CAD: variants seen among roughly 807,000 people sequenced by gnomAD.
CAD encodes carbamoyl-phosphate synthetase 2, aspartate transcarbamylase, and dihydroorotase, also known as multifunctional protein CAD.
Under a neutral mutation model 237.2 loss-of-function variants are expected in CAD, and 81 were observed. That is an observed-to-expected ratio of 0.34 (90% CI 0.29 to 0.41). The LOEUF is 0.41. Ranked by LOEUF, CAD falls within the 10% of genes least tolerant of loss-of-function variation. The pLI, the probability that CAD is intolerant of heterozygous loss-of-function variation, is 1.00. For missense variants in CAD, 2,181 were observed against 2,951.7 expected, an observed-to-expected ratio of 0.74 and a Z score of 6.05; for synonymous variants, 1,196 against 1,162.8, an observed-to-expected ratio of 1.03 and a Z score of -0.58.
At position 27,241,537 on chromosome 2, in the gene CAD, T is replaced by A; in HGVS notation, c.5883+141T>A. ...ATGCTAGTCCATCCCTCTGCTGCTGTAGATCTTCCCCCACGTTTTCCCTCC... is the reference window on the plus strand; with the variant it reads ...ATGCTAGTCCATCCCTCTGCTGCTGAAGATCTTCCCCCACGTTTTCCCTCC... On this transcript the variant is annotated intron_variant, in intron 38 of 43. Coordinates refer to ENST00000264705, the MANE Select transcript of CAD (RefSeq NM_004341.5). The surrounding 1 kb of genome is among the most constrained non-coding windows in gnomAD (Gnocchi z 4.6). The A allele has an allele frequency of 1.2e-6, 1 of 833,216 alleles. No homozygotes were observed. The highest frequency in any genetic ancestry group is 2.0e-6 in the Non-Finnish European group (1 of 512,298). The allele number at this position is 833,216 out of a possible 1,614,324, so 51.6% of individuals were successfully genotyped here.
rs550230862 is a variant in CAD at position 27,228,917 on chromosome 2, T to C, written c.2287+1955T>C. On this transcript the variant is annotated intron_variant, in intron 15 of 43. Coordinates refer to ENST00000264705, the MANE Select transcript of CAD (RefSeq NM_004341.5). Reference sequence around the variant, plus strand: ...TGTCTCTTTTTTCTTTTCTTTTTTTTTTTTCTTTTTTTTTTTTTTTGAGGC... The same window carrying C: ...TGTCTCTTTTTTCTTTTCTTTTTTTCTTTTCTTTTTTTTTTTTTTTGAGGC... Among the ~76,000 whole-genome samples the C allele has an allele frequency of 1.3e-5, 2 of 148,638 alleles. 1 individual carries two copies. Among genetic ancestry groups the C allele is most frequent in the South Asian group, 4.4e-4 (2 of 4,590 alleles).
At position 27,237,342 on chromosome 2, in the gene CAD, A is replaced by G; in HGVS notation, c.4397-37A>G. On this transcript the variant is annotated intron_variant, in intron 27 of 43. Coordinates refer to ENST00000264705, the MANE Select transcript of CAD (RefSeq NM_004341.5). This position sits in a 1 kb window ranked among gnomAD's most constrained non-coding sequence, Gnocchi z 4.0. ...TCCAGCTCACCCTTCCTATTTCTGA[A>G]TCTTCCTGTAATCTTGCTGCTTCCA... The G allele has an allele frequency of 5.6e-6, 9 of 1,608,006 alleles. No individual in the cohort carries two copies. Among genetic ancestry groups the G allele is most frequent in the Non-Finnish European group, 7.7e-6 (9 of 1,175,356 alleles).
chr2:27,224,552 A>C, intron 9 of CAD, 62 bp downstream of exon 9: 1 of 1,589,210 alleles, frequency 6.3e-7, no homozygotes, highest in Non-Finnish European at 8.6e-7. Context: ...AAGGGTCTTA[A>C]GGAGAAGGGC....
chr2:27,225,579 T>C, intron 11 of CAD, 126 bp from the exon 12 acceptor site: 1 of 667,558 alleles, frequency 1.5e-6, no homozygotes, highest in Non-Finnish European at 2.5e-6. Flanking sequence ...CCCAAATTGC[T>C]GGGGTTACAG....
intron 10 of CAD, 28 bp from the exon 11 acceptor site, chr2:27,224,982 T>C (rs773352253): frequency 1.2e-6 from 2 of 1,607,112 alleles, no homozygotes; most frequent in Non-Finnish European, 1.7e-6. Flanking sequence ...AAGGTTCTGA[T>C]GCCTGTAACT....
chr2:27,233,920 T>C lies in CAD; in HGVS notation c.3400-88T>C. Reference sequence around the variant, plus strand: ...CACCAGGGCTGGGAACAGTGGGCTATGTGGGGCTCGTTAAAGGAAGAGACA... The same window carrying C: ...CACCAGGGCTGGGAACAGTGGGCTACGTGGGGCTCGTTAAAGGAAGAGACA... On this transcript the variant is annotated intron_variant, in intron 21 of 43. Coordinates refer to ENST00000264705, the MANE Select transcript of CAD (RefSeq NM_004341.5). This position sits in a 1 kb window ranked among gnomAD's most constrained non-coding sequence, Gnocchi z 6.3. 6.5e-7 allele frequency: 1 copy of C among 1,544,646 alleles called. No homozygotes were observed. Among genetic ancestry groups the C allele is most frequent in the Non-Finnish European group, 8.9e-7 (1 of 1,124,172 alleles).
At chr2:27,218,832 T>A (rs181865901) in intron 2 of CAD, among the ~76,000 whole-genome samples, 22 of 152,138 alleles carry the variant, frequency 1.4e-4, no homozygotes, top group Admixed American at 1.1e-3. Flanking sequence ...CTCTCAAAAT[T>A]TGTTTGGCCT....
chr2:27,221,160 A>G, intron 2 of CAD, 58 bp from the exon 3 acceptor site: 1 of 1,451,202 alleles, frequency 6.9e-7, no homozygotes, highest in Non-Finnish European at 9.2e-7. Context: ...ACAATCGGGA[A>G]AATGCTGCAA....
Position 27,224,466 on chromosome 2 carries a change from A to G in CAD, c.1230A>G (p.Gly410=). The change falls in exon 9 of 44, where the codon GGA becomes GGG. Residue 410 remains glycine, a synonymous_variant. Coordinates refer to ENST00000264705, the MANE Select transcript of CAD (RefSeq NM_004341.5). ...GSGGLSIGQA[G]EFDYSGSQAI... is the part of the protein sequence containing the mutation. The stretch of plus-strand genomic sequence containing the variant: ...GGGGCCTCTCCATTGGCCAAGCTGG[A>G]GAATTTGACTACTCGGGCTCTCAGG... 6.2e-7 allele frequency: 1 copy of G among 1,614,122 alleles called. No homozygotes were observed. The highest frequency in any genetic ancestry group is 1.6e-4 in the Middle Eastern group (1 of 6,062).
Position 27,243,764 on chromosome 2 carries a change from TAA to T in CAD, c.*248_*249del. 1.9e-6 allele frequency: 1 copy of T among 523,926 alleles called. No individual in the cohort carries two copies. The highest frequency in any genetic ancestry group is 3.1e-5 in the East Asian group (1 of 32,450). 32.5% of individuals were successfully genotyped at this position (523,926 alleles called of 1,614,324 possible). On this transcript the variant is annotated 3_prime_UTR_variant, in exon 44 of 44. Transcript: ENST00000264705. ...TACAGTCATTTTTCTACTGACTTAA[TAA>T]ACAGCCGAGCTGTCCCTTGATGCTG...
rs1344786039 is a variant in CAD, at chr2:27,243,416, C to T, written c.6576C>T (p.Ser2192=). The change falls in exon 44 of 44, where the codon AGC becomes AGT. Residue 2192 remains serine (S), a splice_region_variant and synonymous_variant. Coordinates refer to ENST00000264705, the MANE Select transcript of CAD (RefSeq NM_004341.5). ...TTTTTTTTTTTTTTTTTTTTTGCAG[C>T]GTGGAAGTGGACTCGGATCCCCGCG... ...MHPMPRVNEI[S]VEVDSDPRAA... 72 of 1,449,818 alleles carry T rather than the reference C, an allele frequency of 5.0e-5. No homozygotes were observed. The highest frequency in any genetic ancestry group is 5.9e-5 in the Non-Finnish European group (63 of 1,063,276). The allele number at this position is 1,449,818 out of a possible 1,614,324, so 89.8% of individuals were successfully genotyped here. A position where few individuals can be genotyped will look rare whatever the true frequency, so the allele number is the denominator to read the frequency against.
chr2:27,224,809 T>C lies in CAD; in HGVS notation c.1319T>C (p.Val440Ala). The change falls in exon 10 of 44, where the codon GTG becomes GCG. Residue 440 changes from valine (V) to alanine (A), a missense_variant. Physicochemically the swap from Val to Ala is moderately conservative, Grantham distance 64 (BLOSUM62 0). Around this residue, in one of 12 missense-constraint regions of CAD, gnomAD observed 174 missense variants for 215.8 expected, o/e 0.81. Coordinates refer to ENST00000264705, the MANE Select transcript of CAD (RefSeq NM_004341.5). Reference protein sequence around the residue: ...TLLINPNIATVQTSQGLADKV... With the variant: ...TLLINPNIATAQTSQGLADKV... ...CTGATCAACCCCAATATTGCCACAG[T>C]GCAGACCTCCCAGGGGCTGGCCGAC... 6.2e-7 allele frequency: 1 copy of C among 1,614,168 alleles called. No individual in the cohort carries two copies. The highest frequency in any genetic ancestry group is 8.5e-7 in the Non-Finnish European group (1 of 1,179,986).
At chr2:27,219,502 C>T (rs1675047819) in intron 2 of CAD, among the ~76,000 whole-genome samples, 2 of 152,248 alleles carry the variant, frequency 1.3e-5, no homozygotes, top group South Asian at 4.1e-4. Context: ...GCCGCCATGC[C>T]TGGCTACTTT....
At position 27,232,147 on chromosome 2, in the gene CAD, G is replaced by C. The variant is rs750052990; in HGVS notation, c.2568G>C (p.Gln856His). Residue 856 changes from glutamine (Q) to histidine (H), a missense_variant, in exon 17 of 44, where the codon CAG becomes CAC. Transcript: ENST00000264705. This position sits in a 1 kb window ranked among gnomAD's most constrained non-coding sequence, Gnocchi z 4.1. ...HAQLLEQHRG[Q>H]PLPPDLLQQA... ...AGCTGCTAGAACAACACCGTGGACA[G>C]CCTTTGCCGCCAGACCTGCTGCAAC... 6.2e-7 allele frequency: 1 copy of C among 1,614,252 alleles called. No homozygotes were observed. Among genetic ancestry groups the C allele is most frequent in the South Asian group, 1.1e-5 (1 of 91,084 alleles).
chr2:27,223,147 G>A (rs1002622156), intron 6 of CAD, 110 bp downstream of exon 6: 39 of 1,185,046 alleles, frequency 3.3e-5, no homozygotes, highest in African/African-American at 1.2e-4. Flanking sequence ...GGAGCGGGGG[G>A]GTTGCAGGTG....
At position 27,224,506 on chromosome 2, in the gene CAD, C is replaced by T; in HGVS notation, c.1254+16C>T. On this transcript the variant is annotated intron_variant, in intron 9 of 43. Coordinates refer to ENST00000264705, the MANE Select transcript of CAD (RefSeq NM_004341.5). ...GGGCTCTCAGGTGAGGCATGTTCCT[C>T]CCCACCCTTCTGGGCGTGTGACCCT... The T allele has an allele frequency of 1.2e-6, 2 of 1,612,120 alleles. No homozygotes were observed. Among genetic ancestry groups the T allele is most frequent in the Non-Finnish European group, 1.7e-6 (2 of 1,178,762 alleles).
At position 27,233,718 on chromosome 2, in the gene CAD, G is replaced by A. The variant is rs771911380; in HGVS notation, c.3309G>A (p.Thr1103=). ...GTGCTGCTATGAATGTGGCCTACAC[G>A]GATGGAGACCTGGAGCGCTTCCTGA... ...LSGAAMNVAY[T]DGDLERFLSS... Residue 1103 remains threonine (T), a synonymous_variant, in exon 21 of 44, where the codon ACG becomes ACA. Coordinates refer to ENST00000264705, the MANE Select transcript of CAD (RefSeq NM_004341.5). This position sits in a 1 kb window ranked among gnomAD's most constrained non-coding sequence, Gnocchi z 6.3. 148 of 1,614,052 alleles carry A rather than the reference G, an allele frequency of 9.2e-5. No individual in the cohort carries two copies. Among genetic ancestry groups the A allele is most frequent in the Admixed American group, 6.8e-4 (41 of 60,006 alleles).
At chr2:27,225,440 G>A (rs955247270) in intron 11 of CAD, among the ~76,000 whole-genome samples, 197 bp downstream of exon 11, 2 of 151,254 alleles carry the variant, frequency 1.3e-5, no homozygotes, top group African/African-American at 4.9e-5. Context: ...CTGAGTAGCT[G>A]GGATTACTGG....
chr2:27,241,481 G>C lies in CAD; in HGVS notation c.5883+85G>C. 7.8e-7 allele frequency: 1 copy of C among 1,279,320 alleles called. No individual in the cohort carries two copies. The highest frequency in any genetic ancestry group is 1.1e-6 in the Non-Finnish European group (1 of 880,810). The allele number at this position is 1,279,320 out of a possible 1,614,324, so 79.2% of individuals were successfully genotyped here. A position where few individuals can be genotyped will look rare whatever the true frequency, so the allele number is the denominator to read the frequency against. ...GCAGGGCCGCGCAGTGGTCAGAGTG[G>C]GTCTTCCTCCCCCTGCCATCCCGTC... is the stretch of plus-strand genomic sequence containing the variant. On this transcript the variant is annotated intron_variant, in intron 38 of 43. Transcript: ENST00000264705. The surrounding 1 kb of genome is among the most constrained non-coding windows in gnomAD (Gnocchi z 4.6).
Sources: gnomAD v4.1 joint callset for allele counts (sites outside exome capture counted in the v4.1 genomes callset) on GRCh38, gnomAD v4.1.1 for gene constraint, gnomAD v4.1.1 regional missense constraint, Gnocchi (gnomAD v3.1) non-coding constraint, MANE v1.5 for transcripts, NCBI Gene and HGNC (gene_info 2026-07-23, HGNC 2026-07-21) for gene names.